Variants in SGF29 observed in about 807,000 individuals in gnomAD.
The protein encoded by SGF29 is SAGA complex associated factor 29.
Under a neutral mutation model 38.1 loss-of-function variants are expected in SGF29, and 15 were observed. That is an observed-to-expected ratio of 0.39 (90% confidence interval 0.26 to 0.61). The LOEUF (loss-of-function observed/expected upper bound fraction) is 0.61. Ranked by LOEUF, SGF29 falls within the 20% of genes least tolerant of loss-of-function variation. The pLI, the probability that SGF29 is intolerant of heterozygous loss-of-function variation, is 0.49. For synonymous variants in SGF29, 151 were observed against 160.8 expected, an observed-to-expected ratio of 0.94 and a Z score of 0.46; for missense variants, 184 against 394.6, an observed-to-expected ratio of 0.47 and a Z score of 4.52.
At chr16:28,586,506 CA>C (rs375050108) in intron 4 of SGF29, among the ~76,000 whole-genome samples, 6,623 of 92,496 alleles carry the variant, frequency 0.072, 241 homozygotes, top group East Asian at 0.28. Context: ...GGCTCTGCCT[CA>C]AAAAAAAAAA....
chr16:28,566,285 GA>G (rs1304911998), intron 1 of SGF29, among the ~76,000 whole-genome samples: 2 of 150,348 alleles, frequency 1.3e-5, no homozygotes, highest in African/African-American at 4.9e-5. Context: ...AAAAAAAAAA[GA>G]AAAAGAAAAA....
intron 2 of SGF29, among the ~76,000 whole-genome samples, chr16:28,583,772 T>C (rs181630260): frequency 6.6e-6 from 1 of 152,326 alleles, no homozygotes; most frequent in East Asian, 1.9e-4. Context: ...TACCACACCA[T>C]CGTGATTACC....
Position 28,585,686 on chromosome 16 carries a change from A to G in SGF29, c.190A>G (p.Thr64Ala). The change falls in exon 4 of 10, where the codon ACA becomes GCA. Residue 64 changes from threonine (T) to alanine (A), a missense_variant. Coordinates refer to ENST00000317058, the MANE Select transcript of SGF29 (RefSeq NM_138414.3). Reference sequence around the variant, plus strand: ...CCGGACAAAGCTGCGTGGCCTCTACACAACCGCCAAGGCCGATGCAGAGGC... The same window carrying G: ...CCGGACAAAGCTGCGTGGCCTCTACGCAACCGCCAAGGCCGATGCAGAGGC... ...YYRTKLRGLY[T>A]TAKADAEAEC... 1 of 1,614,144 alleles carries G rather than the reference A, an allele frequency of 6.2e-7. No individual in the cohort carries two copies. The highest frequency in any genetic ancestry group is 8.5e-7 in the Non-Finnish European group (1 of 1,180,016).
At chr16:28,578,070 G>T (rs1054209838) in intron 1 of SGF29, among the ~76,000 whole-genome samples, 1 of 151,758 alleles carries the variant, frequency 6.6e-6, no homozygotes, top group Non-Finnish European at 1.5e-5. Flanking sequence ...GCCTAGGCTC[G>T]TCTGGACCCC....
intron 1 of SGF29, among the ~76,000 whole-genome samples, chr16:28,564,939 C>T (rs979347425): frequency 1.3e-5 from 2 of 151,278 alleles, no homozygotes; most frequent in Non-Finnish European, 2.9e-5. Context: ...TCCAAGTCTG[C>T]CAGCCTTAAA....
chr16:28,572,406 T>G (rs1252468752), intron 1 of SGF29, among the ~76,000 whole-genome samples: 1 of 151,880 alleles, frequency 6.6e-6, no homozygotes, highest in African/African-American at 2.4e-5. Context: ...GTAGCTGGGA[T>G]TACAGGCACC....
At position 28,557,973 on chromosome 16, in the gene SGF29, T is replaced by A. The variant is rs905950632; in HGVS notation, c.-16+3876T>A. On this transcript the variant is annotated intron_variant, in intron 1 of 9. Transcript: ENST00000317058. The stretch of plus-strand genomic sequence containing the variant: ...TCTGTTTTTCTTTCTCTGTTTTTTT[T>A]TTTTTTTTTTTTTTTTTTCAGAGAC... Among the ~76,000 whole-genome samples, 3 of 143,516 alleles carry A rather than the reference T, an allele frequency of 2.1e-5. No homozygotes were observed. In the South Asian group the frequency reaches 6.9e-4, roughly 33 times the overall value. 94.2% of individuals were successfully genotyped at this position (143,516 alleles called of 152,430 possible).
At position 28,590,964 on chromosome 16, in the gene SGF29, G is replaced by T. The variant is rs778223124; in HGVS notation, c.765+29G>T. 3 of 1,581,074 alleles carry T rather than the reference G, an allele frequency of 1.9e-6. No individual in the cohort carries two copies. Among genetic ancestry groups the T allele is most frequent in the Non-Finnish European group, 2.6e-6 (3 of 1,161,828 alleles). On this transcript the variant is annotated intron_variant, in intron 9 of 9. Coordinates refer to ENST00000317058, the MANE Select transcript of SGF29 (RefSeq NM_138414.3). The surrounding 1 kb of genome is among the most constrained non-coding windows in gnomAD (Gnocchi z 8.2). ...AAGCAGCCTCCAGGGGAGAGGCCAT[G>T]GGTGATGTCAGGAACAGGCTGATCA...
Position 28,569,917 on chromosome 16 carries a change from C to A in SGF29, c.-15-11138C>A, listed in dbSNP as rs115791274. On this transcript the variant is annotated intron_variant, in intron 1 of 9. Coordinates refer to ENST00000317058, the MANE Select transcript of SGF29 (RefSeq NM_138414.3). ...GCCCGAGGTAGTTTGGCAGCATCCACATGGCGCTGTCTTTGCTGGTGCACA... is the reference window on the plus strand; with the variant it reads ...GCCCGAGGTAGTTTGGCAGCATCCAAATGGCGCTGTCTTTGCTGGTGCACA... Among the ~76,000 whole-genome samples the A allele has an allele frequency of 6.9e-3, 1,047 of 152,292 alleles. 12 individuals are homozygous for A. The highest frequency in any genetic ancestry group is 0.025 in the African/African-American group (1,019 of 41,572).
chr16:28,578,185 C>A (rs2046906037), intron 1 of SGF29, among the ~76,000 whole-genome samples: 1 of 151,204 alleles, frequency 6.6e-6, no homozygotes, highest in Non-Finnish European at 1.5e-5. Context: ...GATCTCGTAT[C>A]CTGCAACTTT....
intron 1 of SGF29, among the ~76,000 whole-genome samples, chr16:28,559,950 A>G (rs2046776053): frequency 6.6e-6 from 1 of 152,160 alleles, no homozygotes; most frequent in African/African-American, 2.4e-5. Flanking sequence ...GACACAAGAA[A>G]TGGCCTGGGC....
chr16:28,563,808 C>T (rs2046804372), intron 1 of SGF29, among the ~76,000 whole-genome samples: 1 of 150,382 alleles, frequency 6.6e-6, no homozygotes, highest in Non-Finnish European at 1.5e-5. Flanking sequence ...GCAACCTCCA[C>T]CTCCTGGGTT....
intron 1 of SGF29, among the ~76,000 whole-genome samples, chr16:28,563,360 T>C (rs1406602095): frequency 6.6e-6 from 1 of 152,170 alleles, no homozygotes; most frequent in Admixed American, 6.6e-5. Context: ...GATCCAGGGA[T>C]AGCAAGAGCT....
intron 2 of SGF29, among the ~76,000 whole-genome samples, chr16:28,581,824 C>T (rs1180797658): frequency 6.6e-6 from 1 of 150,936 alleles, no homozygotes; most frequent in Non-Finnish European, 1.5e-5. Flanking sequence ...GAGGCTGAGG[C>T]AGGAGAATCA....
intron 1 of SGF29, among the ~76,000 whole-genome samples, chr16:28,573,245 G>T (rs2046875678): frequency 6.6e-6 from 1 of 152,164 alleles, no homozygotes; most frequent in Non-Finnish European, 1.5e-5. Context: ...AGATAGCCAG[G>T]CTCCAGCCCA....
intron 1 of SGF29, among the ~76,000 whole-genome samples, chr16:28,567,514 A>G (rs1258941335): frequency 6.6e-6 from 1 of 152,230 alleles, no homozygotes; most frequent in African/African-American, 2.4e-5. Context: ...GTGCTGCTAT[A>G]ACAAATACCT....
chr16:28,571,794 G>T (rs2046866483), intron 1 of SGF29, among the ~76,000 whole-genome samples: 1 of 152,030 alleles, frequency 6.6e-6, no homozygotes, highest in South Asian at 2.1e-4. Flanking sequence ...GTCAGGGAAG[G>T]AGAGAGCTGG....
At chr16:28,584,028 CTTTTTTTTTTT>C (rs59285238) in intron 2 of SGF29, among the ~76,000 whole-genome samples, 3 of 137,974 alleles carry the variant, frequency 2.2e-5, no homozygotes, top group Non-Finnish European at 4.8e-5. Flanking sequence ...TTAATGCCTT[CTTTTTTTTTTT>C]TTTTTAACAG....
At chr16:28,585,183 G>A in intron 3 of SGF29, 195 bp downstream of exon 3, 1 of 556,640 alleles carries the variant, frequency 1.8e-6, no homozygotes, top group Non-Finnish European at 3.2e-6. Context: ...CTGAGGATTC[G>A]AAAGGCAGTG....
Sources: gnomAD v4.1 joint callset for allele counts (sites outside exome capture counted in the v4.1 genomes callset) on GRCh38, gnomAD v4.1.1 for gene constraint, Gnocchi (gnomAD v3.1) non-coding constraint, MANE v1.5 for transcripts, NCBI Gene and HGNC (gene_info 2026-07-23, HGNC 2026-07-21) for gene names.